The following CEP162 variants were observed in gnomAD, a reference collection of about 807,000 sequenced individuals.
CEP162 encodes the protein centrosomal protein of 162 kDa.
CEP162 carries 141 observed loss-of-function variants against 169.2 expected under a neutral mutation model. The observed-to-expected ratio is 0.83, with a 90% confidence interval of 0.73 to 0.96. The LOEUF (loss-of-function observed/expected upper bound fraction) is 0.96, where lower values mean the gene tolerates loss of function less well. Ranked by LOEUF, CEP162 falls within the 40% of genes least tolerant of loss-of-function variation. CEP162 has a pLI of 0.00. For synonymous variants in CEP162, 540 were observed against 526.4 expected (o/e 1.03, Z -0.35); for missense variants, 1,600 against 1,587.2 (o/e 1.01, Z -0.14).
intron 7 of CEP162, among the ~76,000 whole-genome samples, chr6:84,202,221 C>A (rs1443954091): frequency 1.3e-5 from 2 of 152,136 alleles, no homozygotes; most frequent in Non-Finnish European, 2.9e-5. Context: ...AAAGATACAA[C>A]TTTCAGAAAG....
chr6:84,183,424 T>G (rs984826669), intron 13 of CEP162, among the ~76,000 whole-genome samples: 3 of 152,154 alleles, frequency 2.0e-5, no homozygotes, highest in South Asian at 2.1e-4. Context: ...ATTGGCATAG[T>G]TTAGGTCTTT....
chr6:84,194,153 G>T (rs1208140856), intron 10 of CEP162, among the ~76,000 whole-genome samples: 1 of 151,996 alleles, frequency 6.6e-6, no homozygotes, highest in Non-Finnish European at 1.5e-5. Context: ...TCAGGAGTTC[G>T]AGAGCAGCCT....
Position 84,149,699 on chromosome 6 carries a change from T to C in CEP162, c.3634A>G (p.Lys1212Glu). 5 of 1,535,438 alleles carry C rather than the reference T, an allele frequency of 3.3e-6. No homozygotes were observed. The highest frequency in any genetic ancestry group is 4.4e-6 in the Non-Finnish European group (5 of 1,141,742). Reference protein sequence around the residue: ...NQFENSMRRVKEDTAAHIASL... With the variant: ...NQFENSMRRVEEDTAAHIASL... ...GCAATGTGTGCTGCAGTATCTTCCT[T>C]GACCCTACAGAGCAAATGAAAGAAA... Residue 1212 changes from lysine (K) to glutamate (E), a missense_variant, in exon 24 of 27, where the codon AAG (lysine) becomes GAG (glutamate). Transcript: ENST00000403245.
At chr6:84,137,381 C>T (rs951587889) in intron 25 of CEP162, among the ~76,000 whole-genome samples, 8 of 152,268 alleles carry the variant, frequency 5.3e-5, no homozygotes, top group Non-Finnish European at 1.0e-4. Context: ...ATTCCACTAT[C>T]TGTTCATAAA....
chr6:84,168,365 T>C (rs1391326487), intron 18 of CEP162, among the ~76,000 whole-genome samples: 1 of 152,220 alleles, frequency 6.6e-6, no homozygotes, highest in Non-Finnish European at 1.5e-5. Flanking sequence ...TGTAAAGCTG[T>C]ATTTTATATA....
chr6:84,223,826 A>G (rs1276559586), intron 2 of CEP162, among the ~76,000 whole-genome samples: 1 of 151,924 alleles, frequency 6.6e-6, no homozygotes, highest in Non-Finnish European at 1.5e-5. Flanking sequence ...GGAATTGCTT[A>G]AGCCCAGAAG....
At chr6:84,167,318 A>T (rs1588774326) in intron 18 of CEP162, among the ~76,000 whole-genome samples, 1 of 152,078 alleles carries the variant, frequency 6.6e-6, no homozygotes, top group South Asian at 2.1e-4. Context: ...CTACTTTCTT[A>T]ATTTCCAGCA....
chr6:84,199,228 A>G (rs1201991779), intron 9 of CEP162, among the ~76,000 whole-genome samples: 2 of 152,220 alleles, frequency 1.3e-5, no homozygotes, highest in Admixed American at 6.5e-5. Context: ...ACATGCACTC[A>G]GCACATGCTT....
chr6:84,203,969 T>G lies in CEP162; in HGVS notation c.687+12A>C. On this transcript the variant is annotated intron_variant, in intron 7 of 26. Transcript: ENST00000403245. ...GTTGCAAAACTGTCAAATATATAATTGATATATATACCTGTTTGGGCACAC... is the reference window on the plus strand; with the variant it reads ...GTTGCAAAACTGTCAAATATATAATGGATATATATACCTGTTTGGGCACAC... 2 of 1,509,656 alleles carry G rather than the reference T, an allele frequency of 1.3e-6. No homozygotes were observed. The highest frequency in any genetic ancestry group is 9.1e-7 in the Non-Finnish European group (1 of 1,103,772). 93.5% of individuals were successfully genotyped at this position (1,509,656 alleles called of 1,614,324 possible).
intron 25 of CEP162, among the ~76,000 whole-genome samples, chr6:84,133,468 A>G (rs2099512477): frequency 1.3e-5 from 2 of 152,158 alleles, no homozygotes; most frequent in African/African-American, 2.4e-5. Context: ...GGTGGAGTCT[A>G]TAGAGGCAGG....
intron 6 of CEP162, among the ~76,000 whole-genome samples, chr6:84,205,783 C>T (rs1562082787): frequency 6.6e-6 from 1 of 151,560 alleles, no homozygotes; most frequent in Non-Finnish European, 1.5e-5. Context: ...TCAAATTGTC[C>T]CTGTTTGCAG....
intron 25 of CEP162, among the ~76,000 whole-genome samples, chr6:84,134,919 T>TACACAC (rs35312098): frequency 3.7e-4 from 55 of 148,372 alleles, no homozygotes; most frequent in African/African-American, 9.2e-4. Context: ...AGATCATATA[T>TACACAC]ACACACACAC....
intron 25 of CEP162, among the ~76,000 whole-genome samples, chr6:84,141,313 T>C (rs530007977): frequency 2.0e-5 from 3 of 152,290 alleles, no homozygotes; most frequent in South Asian, 2.1e-4. Flanking sequence ...CTGGTACTTA[T>C]GGTAAAATAA....
chr6:84,147,676 C>A (rs771330624), intron 24 of CEP162, among the ~76,000 whole-genome samples: 85 of 151,906 alleles, frequency 5.6e-4, no homozygotes, highest in South Asian at 1.7e-3. Flanking sequence ...TAGAAAAAGT[C>A]CTTTTAAAAT....
chr6:84,155,538 A>G, intron 21 of CEP162, 28 bp from the exon 22 acceptor site: 2 of 1,434,692 alleles, frequency 1.4e-6, no homozygotes, highest in South Asian at 2.4e-5. Context: ...CCACCAAAGA[A>G]CACTTAGATT....
intron 6 of CEP162, among the ~76,000 whole-genome samples, chr6:84,211,830 C>G (rs771899015): frequency 6.0e-5 from 9 of 149,926 alleles, no homozygotes; most frequent in Admixed American, 2.7e-4. Context: ...ATCAATGATG[C>G]TCAACCAACT....
At chr6:84,161,399 G>C (rs974839733) in intron 20 of CEP162, among the ~76,000 whole-genome samples, 3 of 152,078 alleles carry the variant, frequency 2.0e-5, no homozygotes, top group African/African-American at 7.2e-5. Flanking sequence ...TAAAGCTAGA[G>C]TATTCCAGGC....
chr6:84,183,230 T>C (rs1029986749), intron 13 of CEP162, among the ~76,000 whole-genome samples: 9 of 152,164 alleles, frequency 5.9e-5, no homozygotes, highest in African/African-American at 2.2e-4. Flanking sequence ...ATTATTTCAC[T>C]TTACTCATAA....
chr6:84,199,649 T>C (rs2099543645), intron 9 of CEP162, among the ~76,000 whole-genome samples: 1 of 151,662 alleles, frequency 6.6e-6, no homozygotes, highest in East Asian at 1.9e-4. Flanking sequence ...TTTTATCAAG[T>C]GTCTGAATTG....
Sources: gnomAD v4.1 joint callset for allele counts (sites outside exome capture counted in the v4.1 genomes callset) on GRCh38, gnomAD v4.1.1 for gene constraint, MANE v1.5 for transcripts, NCBI Gene and HGNC (gene_info 2026-07-23, HGNC 2026-07-21) for gene names.